SIRPG: variants seen among roughly 807,000 people sequenced by gnomAD.
SIRPG encodes signal regulatory protein gamma, also known as signal-regulatory protein gamma.
SIRPG carries 38 observed loss-of-function variants against 35.7 expected under a neutral mutation model. The ratio of observed to expected loss-of-function variants is 1.06; its 90% CI spans 0.82 to 1.40. SIRPG has a LOEUF of 1.40. SIRPG is among the 40% of genes most tolerant of loss of function. SIRPG has a pLI of 0.00. For synonymous variants in SIRPG, 215 were observed against 190.4 expected, an observed-to-expected ratio of 1.13 and a Z score of -1.06; for missense variants, 519 against 483.0, an observed-to-expected ratio of 1.07 and a Z score of -0.70.
At chr20:1,643,890 C>G (rs969059751) in intron 2 of SIRPG, among the ~76,000 whole-genome samples, 1 of 152,106 alleles carries the variant, frequency 6.6e-6, no homozygotes, top group Admixed American at 6.5e-5. Context: ...GGCTCCCACA[C>G]CTGGACATGT....
upstream of SIRPG, among the ~76,000 whole-genome samples, chr20:1,659,679 CT>C (rs2091991176): frequency 6.6e-6 from 1 of 152,210 alleles, no homozygotes; most frequent in Non-Finnish European, 1.5e-5. Context: ...GATCACCCGG[CT>C]TTTAGAACTG....
At position 1,635,546 on chromosome 20, in the gene SIRPG, T is replaced by G. The variant is rs760893584; in HGVS notation, c.802A>C (p.Asn268His). The G allele has an allele frequency of 1.2e-6, 2 of 1,614,130 alleles. No homozygotes were observed. Among genetic ancestry groups the G allele is most frequent in the South Asian group, 1.1e-5 (1 of 91,082 alleles). ...QQPMRVGNQV[N>H]VTCQVRKFYP... ...AACTTCCTCACCTGGCAGGTGACGTTTACCTGGTTCCCCACCCTCATGGGC... is the reference window on the plus strand; with the variant it reads ...AACTTCCTCACCTGGCAGGTGACGTGTACCTGGTTCCCCACCCTCATGGGC... The change falls in exon 4 of 6, where the codon AAC becomes CAC. Residue 268 changes from asparagine (N) to histidine (H), a missense_variant. By Grantham distance (68) the Asn-to-His change is moderately conservative (BLOSUM62 1). Coordinates refer to ENST00000303415, the MANE Select transcript of SIRPG (RefSeq NM_018556.4).
intron 1 of SIRPG, among the ~76,000 whole-genome samples, chr20:1,654,492 T>C (rs182786396): frequency 1.2e-4 from 18 of 152,318 alleles, no homozygotes; most frequent in Admixed American, 1.2e-3. Flanking sequence ...GATATCCATG[T>C]GTAGGGGAAT....
the SIRPG span, among the ~76,000 whole-genome samples, chr20:1,684,277 T>C: frequency 6.6e-6 from 1 of 152,198 alleles, no homozygotes; most frequent in African/African-American, 2.4e-5. Context: ...GATAAGTATA[T>C]ATGCTTTTCT....
chr20:1,647,688 T>G (rs1011818473), intron 2 of SIRPG: 2 of 152,196 alleles, frequency 1.3e-5, no homozygotes, highest in African/African-American at 4.8e-5. Flanking sequence ...GATATTTCCA[T>G]AAATTGGAGT....
chr20:1,650,411 A>G (rs2091933583), intron 1 of SIRPG, among the ~76,000 whole-genome samples: 1 of 152,240 alleles, frequency 6.6e-6, no homozygotes, highest in Non-Finnish European at 1.5e-5. Flanking sequence ...ATGAGAAATT[A>G]TAAAAAGAAA....
At chr20:1,648,408 C>T (rs943383769) in intron 2 of SIRPG, 3 of 152,154 alleles carry the variant, frequency 2.0e-5, no homozygotes, top group Non-Finnish European at 4.4e-5. Context: ...ATCTGTGCCT[C>T]CCAGGAATCT....
At chr20:1,639,775 C>A (rs1402737374) in intron 2 of SIRPG, among the ~76,000 whole-genome samples, 1 of 152,050 alleles carries the variant, frequency 6.6e-6, no homozygotes, top group Admixed American at 6.6e-5. Flanking sequence ...AAGTCTTTAA[C>A]CCATCTTCAG....
the SIRPG span, chr20:1,670,325 CGGTGAG>C: frequency 1.6e-5 from 3 of 182,018 alleles, no homozygotes; most frequent in African/African-American, 7.1e-5. Context: ...CCCACCACCA[CGGTGAG>C]GGCATCACCA....
Position 1,635,467 on chromosome 20 carries a change from C to G in SIRPG, c.881G>C (p.Arg294Thr), listed in dbSNP as rs2091790419. The change falls in exon 4 of 6, where the codon AGA becomes ACA. Residue 294 changes from arginine (R) to threonine (T), a missense_variant. Coordinates refer to ENST00000303415, the MANE Select transcript of SIRPG (RefSeq NM_018556.4). The stretch of plus-strand genomic sequence containing the variant: ...CTCTGTAAGGGTCGAGGCTGTTTCT[C>G]TCTGGCACACGTTTCCATTCTCCGA... ...TWSENGNVCQ[R>T]ETASTLTENK... 7 of 1,614,022 alleles carry G rather than the reference C, an allele frequency of 4.3e-6. No homozygotes were observed. Among genetic ancestry groups the G allele is most frequent in the Non-Finnish European group, 5.1e-6 (6 of 1,180,020 alleles).
At chr20:1,655,313 T>C (rs1473067506) in intron 1 of SIRPG, among the ~76,000 whole-genome samples, 2 of 152,204 alleles carry the variant, frequency 1.3e-5, no homozygotes. Flanking sequence ...AAAGAAAATG[T>C]AGCATATATG....
chr20:1,652,340 C>T (rs996726496), intron 1 of SIRPG, among the ~76,000 whole-genome samples: 13 of 152,200 alleles, frequency 8.5e-5, no homozygotes, highest in Admixed American at 2.6e-4. Context: ...CCCACTGGAA[C>T]TTAAACTTCT....
Position 1,657,322 on chromosome 20 carries a change from G to T in SIRPG, c.73+320C>A, listed in dbSNP as rs371420918. Among the ~76,000 whole-genome samples, 6 of 152,300 alleles carry T rather than the reference G, an allele frequency of 3.9e-5. No individual in the cohort carries two copies. In the South Asian group the frequency reaches 8.3e-4, roughly 21 times the overall value. Reference sequence around the variant, plus strand: ...AAATGTGGAACTTCTTAAAGAGGAGGAGGGCACACAAAAATGGGTAGGAGG... The same window carrying T: ...AAATGTGGAACTTCTTAAAGAGGAGTAGGGCACACAAAAATGGGTAGGAGG... On this transcript the variant is annotated intron_variant, in intron 1 of 5. Transcript: ENST00000303415.
rs547634798 is a variant in SIRPG, at chr20:1,635,269, G to C, written c.1079C>G (p.Pro360Arg). 6.2e-7 allele frequency: 1 copy of C among 1,600,576 alleles called. No individual in the cohort carries two copies. Among genetic ancestry groups the C allele is most frequent in the Admixed American group, 1.7e-5 (1 of 58,670 alleles). Residue 360 changes from proline (P) to arginine (R), a missense_variant and splice_region_variant, in exon 4 of 6, where the codon CCT becomes CGT. Physicochemically the swap from Pro to Arg is moderately radical, Grantham distance 103 (BLOSUM62 -2). Transcript: ENST00000303415. ...HQKDQSSDATPGPASSLTALL... is the reference protein window; with the variant it reads ...HQKDQSSDATRGPASSLTALL... ...TTAAAAATTTTGAGTAACCTCACCA[G>C]GGGTAGCATCTGAGCTCTGGTCCTT... is the stretch of plus-strand genomic sequence containing the variant.
chr20:1,631,651 A>G (rs2091751345), intron 4 of SIRPG, among the ~76,000 whole-genome samples: 1 of 152,086 alleles, frequency 6.6e-6, no homozygotes, highest in African/African-American at 2.4e-5. Context: ...TAAAATATAA[A>G]TTTGAAGCCT....
At chr20:1,667,774 G>A in the SIRPG span, among the ~76,000 whole-genome samples, 2 of 152,214 alleles carry the variant, frequency 1.3e-5, no homozygotes, top group Admixed American at 6.5e-5. Flanking sequence ...TCTCCACCCA[G>A]GGATGTGTTT....
At chr20:1,635,029 C>G (rs1255706466) in intron 4 of SIRPG, among the ~76,000 whole-genome samples, 1 of 144,310 alleles carries the variant, frequency 6.9e-6, no homozygotes, top group African/African-American at 2.6e-5. Flanking sequence ...GGCGACAGAG[C>G]CAGACTCCGT....
At chr20:1,681,450 A>T in the SIRPG span, among the ~76,000 whole-genome samples, 2 of 152,178 alleles carry the variant, frequency 1.3e-5, no homozygotes, top group Non-Finnish European at 2.9e-5. Flanking sequence ...AGGGGGTGAT[A>T]AGAATCTCTA....
chr20:1,644,259 C>T (rs2091879757), intron 2 of SIRPG, among the ~76,000 whole-genome samples: 1 of 152,004 alleles, frequency 6.6e-6, no homozygotes, highest in Non-Finnish European at 1.5e-5. Context: ...TCCCTGAGCC[C>T]CAGGCTGGAG....
Sources: gnomAD v4.1 joint callset for allele counts (sites outside exome capture counted in the v4.1 genomes callset) on GRCh38, gnomAD v4.1.1 for gene constraint, MANE v1.5 for transcripts, NCBI Gene and HGNC (gene_info 2026-07-23, HGNC 2026-07-21) for gene names.